The following COL19A1 variants were observed in gnomAD, a reference collection of about 807,000 sequenced individuals.
COL19A1 encodes collagen type XIX alpha 1 chain, also known as collagen alpha-1(XIX) chain.
Under a neutral mutation model 190.2 loss-of-function variants are expected in COL19A1, and 159 were observed. The ratio of observed to expected loss-of-function variants is 0.84; its 90% CI spans 0.73 to 0.95. The LOEUF is 0.95. Among genes scored for constraint, COL19A1 ranks in the 40% least tolerant of loss-of-function variants. COL19A1 has a pLI of 0.00. For synonymous variants in COL19A1, 509 were observed against 458.9 expected, an observed-to-expected ratio of 1.11 and a Z score of -1.39; for missense variants, 1,418 against 1,431.9, an observed-to-expected ratio of 0.99 and a Z score of 0.16.
Position 69,951,436 on chromosome 6 carries a change from G to T in COL19A1, c.937-8560G>T, listed in dbSNP as rs536771037. Among the ~76,000 whole-genome samples the T allele has an allele frequency of 2.0e-5, 3 of 152,008 alleles. No homozygotes were observed. The East Asian group carries it at 5.8e-4, about 29-fold the overall frequency. ...TTATTCTAGCCTTACTGTGGGACCA[G>T]ATTAGAACTTATTTGAAGGAATGTA... On this transcript the variant is annotated intron_variant, in intron 9 of 50. Coordinates refer to ENST00000620364, the MANE Select transcript of COL19A1 (RefSeq NM_001858.6).
At chr6:70,057,900 T>C (rs1780598334) in intron 14 of COL19A1, among the ~76,000 whole-genome samples, 2 of 152,044 alleles carry the variant, frequency 1.3e-5, no homozygotes, top group Non-Finnish European at 2.9e-5. Context: ...CATTCATCCA[T>C]TCGACACCTA....
intron 4 of COL19A1, among the ~76,000 whole-genome samples, chr6:69,904,378 G>A (rs575609108): frequency 1.4e-4 from 21 of 152,220 alleles, no homozygotes; most frequent in Non-Finnish European, 2.8e-4. Flanking sequence ...CACAGATACA[G>A]CCACTGACGA....
chr6:69,894,850 G>GT (rs1270573743), intron 2 of COL19A1, among the ~76,000 whole-genome samples: 2 of 152,118 alleles, frequency 1.3e-5, no homozygotes, highest in East Asian at 3.9e-4. Flanking sequence ...CACAAATCCT[G>GT]TTTCACAATT....
At chr6:70,000,754 A>G (rs1190964067) in intron 11 of COL19A1, among the ~76,000 whole-genome samples, 1 of 152,130 alleles carries the variant, frequency 6.6e-6, no homozygotes, top group African/African-American at 2.4e-5. Context: ...AGTTCATTGT[A>G]AATTCTGGAT....
At chr6:70,137,488 T>C (rs1044541198) in intron 18 of COL19A1, among the ~76,000 whole-genome samples, 197 bp from the exon 19 acceptor site, 1 of 152,160 alleles carries the variant, frequency 6.6e-6, no homozygotes, top group African/African-American at 2.4e-5. Flanking sequence ...CTAAAAGACA[T>C]AAAGCCATTG....
intron 12 of COL19A1, among the ~76,000 whole-genome samples, chr6:70,031,018 T>C (rs1459471124): frequency 1.3e-5 from 2 of 152,202 alleles, no homozygotes; most frequent in Non-Finnish European, 2.9e-5. Context: ...CATCATGTCA[T>C]TTTCCTGCTT....
chr6:69,870,415 A>G (rs545728780), intron 1 of COL19A1, among the ~76,000 whole-genome samples: 1 of 152,350 alleles, frequency 6.6e-6, no homozygotes, highest in South Asian at 2.1e-4. Context: ...TATGATTCTC[A>G]CAGACTTCAC....
chr6:69,898,208 T>TA (rs1158070643), intron 2 of COL19A1, among the ~76,000 whole-genome samples: 1 of 152,234 alleles, frequency 6.6e-6, no homozygotes, highest in African/African-American at 2.4e-5. Context: ...GTTGTACAGT[T>TA]ATCTTGGCAC....
At chr6:70,131,892 A>C (rs1490714764) in intron 18 of COL19A1, among the ~76,000 whole-genome samples, 1 of 151,960 alleles carries the variant, frequency 6.6e-6, no homozygotes, top group Non-Finnish European at 1.5e-5. Flanking sequence ...TTCAAACTCT[A>C]AGGACCTTTT....
At chr6:70,093,712 C>T (rs1221891046) in intron 15 of COL19A1, among the ~76,000 whole-genome samples, 2 of 152,156 alleles carry the variant, frequency 1.3e-5, no homozygotes, top group East Asian at 3.8e-4. Context: ...TCGGGATACT[C>T]ACATCAAGGA....
chr6:70,051,250 A>G (rs1780183425), intron 14 of COL19A1, among the ~76,000 whole-genome samples: 2 of 152,184 alleles, frequency 1.3e-5, no homozygotes, highest in African/African-American at 4.8e-5. Context: ...CACATGCCCA[A>G]TATAGAGAAA....
At position 70,188,185 on chromosome 6, in the gene COL19A1, C is replaced by T. The variant is rs776017981; in HGVS notation, c.2967C>T (p.Gly989=). 6.2e-7 allele frequency: 1 copy of T among 1,613,472 alleles called. No homozygotes were observed. The highest frequency in any genetic ancestry group is 1.7e-4 in the Middle Eastern group (1 of 6,038). ...IGPMGPPGNK[G]SMGSPGHQGP... Reference sequence around the variant, plus strand: ...CTATGGGTCCACCAGGAAACAAGGGCTCCATGGGATCCCCTGGCCACCAAG... The same window carrying T: ...CTATGGGTCCACCAGGAAACAAGGGTTCCATGGGATCCCCTGGCCACCAAG... The change falls in exon 47 of 51, where the codon GGC becomes GGT. Residue 989 remains glycine, a synonymous_variant. Coordinates refer to ENST00000620364, the MANE Select transcript of COL19A1 (RefSeq NM_001858.6).
At chr6:70,010,704 G>T (rs1167689680) in intron 11 of COL19A1, among the ~76,000 whole-genome samples, 1 of 136,720 alleles carries the variant, frequency 7.3e-6, no homozygotes, top group South Asian at 2.4e-4. Flanking sequence ...GGCTCGGAGG[G>T]TCCTACACCC....
At chr6:70,073,276 C>G (rs1781669058) in intron 15 of COL19A1, among the ~76,000 whole-genome samples, 1 of 152,072 alleles carries the variant, frequency 6.6e-6, no homozygotes, top group Non-Finnish European at 1.5e-5. Flanking sequence ...GCCTGAGCCA[C>G]AGCGCCTGGC....
intron 17 of COL19A1, 109 bp from the exon 18 acceptor site, chr6:70,130,073 T>TA: frequency 1.8e-6 from 2 of 1,115,812 alleles, no homozygotes; most frequent in Non-Finnish European, 1.3e-6. Context: ...CTAGTATCCA[T>TA]AAAAAGCGGT....
At chr6:69,906,996 T>C (rs1233610817) in intron 4 of COL19A1, among the ~76,000 whole-genome samples, 1 of 152,150 alleles carries the variant, frequency 6.6e-6, no homozygotes, top group Non-Finnish European at 1.5e-5. Flanking sequence ...AACTGTCATA[T>C]GTGTTGTAAC....
At chr6:69,925,901 G>T (rs1284732052) in intron 4 of COL19A1, among the ~76,000 whole-genome samples, 1 of 152,142 alleles carries the variant, frequency 6.6e-6, no homozygotes, top group African/African-American at 2.4e-5. Flanking sequence ...TGTTATTGGT[G>T]TATAAGAATG....
At chr6:69,967,957 C>T (rs1158534934) in intron 11 of COL19A1, among the ~76,000 whole-genome samples, 1 of 151,960 alleles carries the variant, frequency 6.6e-6, no homozygotes. Flanking sequence ...CACTTTGCTA[C>T]CCACAAACTA....
At chr6:70,018,138 AAGAT>A (rs1778220184) in intron 11 of COL19A1, among the ~76,000 whole-genome samples, 1 of 152,124 alleles carries the variant, frequency 6.6e-6, no homozygotes, top group Non-Finnish European at 1.5e-5. Flanking sequence ...GGAGCAGAAA[AAGAT>A]AGGATTGAAA....
Sources: allele counts gnomAD v4.1 joint callset (sites outside exome capture counted in the v4.1 genomes callset), GRCh38; gene constraint gnomAD v4.1.1; transcripts MANE v1.5; gene names NCBI Gene and HGNC (gene_info 2026-07-23, HGNC 2026-07-21).